Variants in NALCN observed in about 807,000 individuals in gnomAD.
NALCN encodes the protein sodium leak channel NALCN.
NALCN carries 111 observed loss-of-function variants against 225.3 expected under a neutral mutation model. The ratio of observed to expected loss-of-function variants is 0.49; its 90% CI spans 0.42 to 0.58. The LOEUF is 0.58. Among genes scored for constraint, NALCN ranks in the 20% least tolerant of loss-of-function variants. The pLI, the probability that NALCN is intolerant of heterozygous loss-of-function variation, is 0.00. For synonymous variants in NALCN, 764 were observed against 769.0 expected, an observed-to-expected ratio of 0.99 and a Z score of 0.11; for missense variants, 1,378 against 2,202.4, an observed-to-expected ratio of 0.63 and a Z score of 7.49.
At chr13:101,330,088 C>G (rs2045108675) in intron 7 of NALCN, among the ~76,000 whole-genome samples, 1 of 149,754 alleles carries the variant, frequency 6.7e-6, no homozygotes, top group South Asian at 2.1e-4. Context: ...TTATTAGCAG[C>G]ATATATATAT....
chr13:101,392,873 A>C (rs2047184476), intron 3 of NALCN, among the ~76,000 whole-genome samples: 1 of 152,226 alleles, frequency 6.6e-6, no homozygotes. Flanking sequence ...ATTTAAAAGA[A>C]CAAGTTAGAA....
Position 101,239,180 on chromosome 13 carries a change from G to T in NALCN, c.1267-1258C>A, listed in dbSNP as rs1032829618. The stretch of plus-strand genomic sequence containing the variant: ...CTTCATCCACACATATGCAATCACA[G>T]AAACAGGCTTGCAATTACATGTTTT... On this transcript the variant is annotated intron_variant, in intron 11 of 43. Coordinates refer to ENST00000251127, the MANE Select transcript of NALCN (RefSeq NM_052867.4). Among the ~76,000 whole-genome samples, 3 of 151,824 alleles carry T rather than the reference G, an allele frequency of 2.0e-5. No homozygotes were observed. The East Asian group carries it at 5.8e-4, about 29-fold the overall frequency.
chr13:101,182,424 G>T (rs1264163757), intron 14 of NALCN, among the ~76,000 whole-genome samples: 1 of 152,154 alleles, frequency 6.6e-6, no homozygotes, highest in Non-Finnish European at 1.5e-5. Flanking sequence ...ACAAACTCTT[G>T]GGGAGGCAAC....
chr13:101,147,354 CT>C (rs34988610), intron 15 of NALCN, among the ~76,000 whole-genome samples: 27,362 of 124,592 alleles, frequency 0.22, 2,265 homozygotes, highest in Non-Finnish European at 0.28. Flanking sequence ...CTCTCTCTCT[CT>C]TTTTTTTTTT....
rs757660166 is a variant in NALCN, at chr13:101,081,578, G to A, written c.3834C>T (p.Leu1278=). ...ATACAACGCCAAGCGACGTCACCAG[G>A]AGATCGTATCGGTTTCTTCTGCTTT... ...FWQSRRNRYD[L]LVTSLGVVWV... Residue 1278 remains leucine, a synonymous_variant, in exon 34 of 44, where the codon CTC becomes CTT. Transcript: ENST00000251127. The A allele has an allele frequency of 3.7e-6, 6 of 1,614,136 alleles. No homozygotes were observed. In the East Asian group the frequency reaches 1.1e-4, roughly 30 times the overall value.
Position 101,365,040 on chromosome 13 carries a change from TTTTTC to T in NALCN, c.644+11655_644+11659del, listed in dbSNP as rs148021138. Among the ~76,000 whole-genome samples, 933 of 152,294 alleles carry T rather than the reference TTTTTC, an allele frequency of 6.1e-3. 17 individuals carry two copies. Among genetic ancestry groups the T allele is most frequent in the Admixed American group, 0.033 (509 of 15,266 alleles). On this transcript the variant is annotated intron_variant, in intron 6 of 43. Transcript: ENST00000251127. ...TCCAGTATGTTTCCATTTGTATTTC[TTTTTC>T]TTTTAACTTTTATTTTAGATTCAGG...
rs560841058 is a variant in NALCN at position 101,283,904 on chromosome 13, C to A, written c.1134+29G>T. ...ATAAAATTCAAAGACCTTTGCTGGG[C>A]GATTTTTAAAAATGTCATTGTACTG... On this transcript the variant is annotated intron_variant, in intron 10 of 43. Coordinates refer to ENST00000251127, the MANE Select transcript of NALCN (RefSeq NM_052867.4). 2.6e-6 allele frequency: 4 copies of A among 1,563,510 alleles called. No homozygotes were observed. The Admixed American group carries it at 6.0e-5, about 23-fold the overall frequency.
intron 7 of NALCN, among the ~76,000 whole-genome samples, chr13:101,308,611 C>A (rs2044233389): frequency 6.6e-6 from 1 of 152,174 alleles, no homozygotes; most frequent in African/African-American, 2.4e-5. Context: ...CCAACTATTA[C>A]ATAGACTGAG....
chr13:101,155,950 T>C (rs1417099906), intron 15 of NALCN, among the ~76,000 whole-genome samples: 3 of 152,230 alleles, frequency 2.0e-5, no homozygotes, highest in Non-Finnish European at 2.9e-5. Context: ...TTTCTCTACA[T>C]TTCTTACTTG....
At chr13:101,116,260 C>T in intron 18 of NALCN, among the ~76,000 whole-genome samples, 1 of 150,996 alleles carries the variant, frequency 6.6e-6, no homozygotes, top group African/African-American at 2.4e-5. Flanking sequence ...CCTTTTTTTT[C>T]CCCCTGCATT....
intron 12 of NALCN, among the ~76,000 whole-genome samples, chr13:101,231,666 T>C (rs1348475711): frequency 6.6e-6 from 1 of 152,222 alleles, no homozygotes; most frequent in African/African-American, 2.4e-5. Context: ...TCATCCAAGA[T>C]TTTTTGATGT....
rs1566791509 is a variant in NALCN at position 101,080,623 on chromosome 13, T to TAATTATATAATTAAATAATTATTA, written c.3885+903_3885+904insTAATAATTATTTAATTATATAATT. ...AAATTAATTATATAATCAATTAAAT[T>TAATTATATAATTAAATAATTATTA]AATTATTTAATTAAATATATTAATA... is the stretch of plus-strand genomic sequence containing the variant. On this transcript the variant is annotated intron_variant, in intron 34 of 43. Coordinates refer to ENST00000251127, the MANE Select transcript of NALCN (RefSeq NM_052867.4). Among the ~76,000 whole-genome samples the TAATTATATAATTAAATAATTATTA allele has an allele frequency of 1.6e-4, 23 of 143,624 alleles. 1 individual carries two copies. In the South Asian group the frequency reaches 3.6e-3, roughly 23 times the overall value. The allele number at this position is 143,624 out of a possible 152,430, so 94.2% of individuals were successfully genotyped here. A position where few individuals can be genotyped will look rare whatever the true frequency, so the allele number is the denominator to read the frequency against.
intron 13 of NALCN, among the ~76,000 whole-genome samples, chr13:101,212,264 G>A (rs2040553189): frequency 6.6e-6 from 1 of 152,062 alleles, no homozygotes; most frequent in Admixed American, 6.6e-5. Context: ...CTCCTTCTCT[G>A]GAAGCAATAT....
rs55976549 is a variant in NALCN, at chr13:101,357,462, G to A, written c.645-12042C>T. ...GCTACAAAGAGAATAAAATACTTAGGAATACAACTTACAAAGGACGTGAAG... is the reference window on the plus strand; with the variant it reads ...GCTACAAAGAGAATAAAATACTTAGAAATACAACTTACAAAGGACGTGAAG... On this transcript the variant is annotated intron_variant, in intron 6 of 43. Coordinates refer to ENST00000251127, the MANE Select transcript of NALCN (RefSeq NM_052867.4). Among the ~76,000 whole-genome samples, 1,116 of 152,128 alleles carry A rather than the reference G, an allele frequency of 7.3e-3. 14 individuals are homozygous for A. The highest frequency in any genetic ancestry group is 0.025 in the African/African-American group (1,057 of 41,520).
rs192529103 is a variant in NALCN at position 101,383,341 on chromosome 13, T to A, written c.292-4688A>T. ...TATTTGGTCTCTCCAACTTATTGGATCTGATGGTGAAGTTTGAGTTTCCTA... is the reference window on the plus strand; with the variant it reads ...TATTTGGTCTCTCCAACTTATTGGAACTGATGGTGAAGTTTGAGTTTCCTA... On this transcript the variant is annotated intron_variant, in intron 3 of 43. Coordinates refer to ENST00000251127, the MANE Select transcript of NALCN (RefSeq NM_052867.4). Among the ~76,000 whole-genome samples the A allele has an allele frequency of 2.2e-4, 34 of 152,258 alleles. No individual in the cohort carries two copies. The East Asian group carries it at 6.2e-3, about 28-fold the overall frequency.
chr13:101,291,061 G>A (rs2139043937), intron 9 of NALCN, among the ~76,000 whole-genome samples: 1 of 152,208 alleles, frequency 6.6e-6, no homozygotes, highest in Admixed American at 6.5e-5. Context: ...TAACTGCCCT[G>A]CTGCTTTTAG....
intron 10 of NALCN, among the ~76,000 whole-genome samples, chr13:101,262,522 C>A (rs759490746): frequency 1.3e-5 from 2 of 152,196 alleles, no homozygotes; most frequent in Non-Finnish European, 2.9e-5. Flanking sequence ...CATCCTCTTT[C>A]TGAGGTTTCA....
chr13:101,111,126 T>C lies in NALCN; in HGVS notation c.2293A>G (p.Arg765Gly). ...AGCCCTGTCTTCCCAAGTATTTACC[T>C]GCGCTCTTGGCGGATATGATGCTGC... is the stretch of plus-strand genomic sequence containing the variant. ...SVQHHIRQER[R>G]SLRHGSNSQR... is the part of the protein sequence containing the mutation. Residue 765 changes from arginine to glycine, a missense_variant and splice_region_variant, in exon 19 of 44, where the codon AGG becomes GGG. By Grantham distance (125) the Arg-to-Gly change is moderately radical. This residue lies in a region of NALCN where 66 missense variants were observed against 85.7 expected (regional missense o/e 0.77). Transcript: ENST00000251127. 6.2e-7 allele frequency: 1 copy of C among 1,604,920 alleles called. No homozygotes were observed. Among genetic ancestry groups the C allele is most frequent in the African/African-American group, 1.3e-5 (1 of 74,888 alleles).
chr13:101,181,048 G>A (rs770156789), intron 14 of NALCN: 4 of 515,582 alleles, frequency 7.8e-6, no homozygotes, highest in South Asian at 2.8e-5. Context: ...TAGACTTGGA[G>A]AGCCCATCTG....
Sources: gnomAD v4.1 joint callset for allele counts (sites outside exome capture counted in the v4.1 genomes callset) on GRCh38, gnomAD v4.1.1 for gene constraint, gnomAD v4.1.1 regional missense constraint, MANE v1.5 for transcripts, NCBI Gene and HGNC (gene_info 2026-07-23, HGNC 2026-07-21) for gene names.